IQCM: variants seen among roughly 807,000 people sequenced by gnomAD.
IQCM encodes the protein IQ motif containing M.
Under a neutral mutation model 57.6 loss-of-function variants are expected in IQCM, and 45 were observed. The ratio of observed to expected loss-of-function variants is 0.78; its 90% confidence interval spans 0.62 to 1.00. IQCM has a LOEUF of 1.00. Among genes scored for constraint, IQCM ranks in the 50% least tolerant of loss-of-function variants. The pLI, the probability that IQCM is intolerant of heterozygous loss-of-function variation, is 0.00. For synonymous variants in IQCM, 148 were observed against 158.9 expected (o/e 0.93, Z 0.51); for missense variants, 468 against 511.6 (o/e 0.91, Z 0.82).
At position 149,368,784 on chromosome 4, in the gene IQCM, G is replaced by A. The variant is rs1287222051; in HGVS notation, c.1391-16718C>T. ...TATATATATATACATATATATACATGTATATATATACATATATATACATGT... is the reference window on the plus strand; with the variant it reads ...TATATATATATACATATATATACATATATATATATACATATATATACATGT... On this transcript the variant is annotated intron_variant, in intron 13 of 13. Coordinates refer to ENST00000636793, the MANE Select transcript of IQCM (RefSeq NM_001363507.2). 9.9e-4 allele frequency among the ~76,000 whole-genome samples: 90 copies of A among 90,948 alleles called. 5 individuals carry two copies. Among genetic ancestry groups the A allele is most frequent in the Non-Finnish European group, 1.6e-3 (66 of 42,296 alleles). The allele number at this position is 90,948 out of a possible 152,430, so 59.7% of individuals were successfully genotyped here.
intron 13 of IQCM, among the ~76,000 whole-genome samples, chr4:149,414,838 G>A (rs1560816343): frequency 6.6e-6 from 1 of 151,900 alleles, no homozygotes; most frequent in African/African-American, 2.4e-5. Flanking sequence ...TAGATTAAAA[G>A]TTTTAATTGA....
chr4:149,754,248 T>C (rs1580208380), intron 2 of IQCM, among the ~76,000 whole-genome samples: 5 of 152,296 alleles, frequency 3.3e-5, no homozygotes, highest in South Asian at 2.1e-4. Flanking sequence ...CTAGGATTTA[T>C]GCAGGCTCAG....
chr4:149,529,067 AAT>A (rs1383086913), intron 12 of IQCM, among the ~76,000 whole-genome samples: 1 of 151,170 alleles, frequency 6.6e-6, no homozygotes, highest in South Asian at 2.1e-4. Flanking sequence ...TGGGTAGGAA[AAT>A]ATATATATAT....
At chr4:149,767,398 T>C (rs1770160457) in intron 2 of IQCM, among the ~76,000 whole-genome samples, 1 of 152,122 alleles carries the variant, frequency 6.6e-6, no homozygotes, top group Non-Finnish European at 1.5e-5. Flanking sequence ...CAACAGTTCA[T>C]GAAAGATTAT....
At chr4:149,691,887 G>A (rs576267511) in intron 5 of IQCM, 2 of 152,218 alleles carry the variant, frequency 1.3e-5, no homozygotes, top group Non-Finnish European at 2.9e-5. Flanking sequence ...TCACTAATGA[G>A]GAATTCACGT....
At chr4:149,654,420 C>T (rs1214857747) in intron 7 of IQCM, among the ~76,000 whole-genome samples, 1 of 152,000 alleles carries the variant, frequency 6.6e-6, no homozygotes, top group Non-Finnish European at 1.5e-5. Context: ...GTGGCACCAA[C>T]TCCCTCATCT....
chr4:149,619,474 A>G (rs1307336787), intron 8 of IQCM, among the ~76,000 whole-genome samples: 1 of 152,166 alleles, frequency 6.6e-6, no homozygotes, highest in Non-Finnish European at 1.5e-5. Context: ...AAATCTATAA[A>G]AACAAACATA....
intron 12 of IQCM, among the ~76,000 whole-genome samples, chr4:149,498,592 T>C (rs1044062616): frequency 6.6e-6 from 1 of 152,026 alleles, no homozygotes; most frequent in Non-Finnish European, 1.5e-5. Context: ...AGGAACCATA[T>C]CTCGATCAGG....
Position 149,548,454 on chromosome 4 carries a change from C to T in IQCM, c.1228+1G>A. ...GGAAAAAGAAATGAGAAACTACTCACCTTGATGGACCAGGTCCCAAGTATC... is the reference window on the plus strand; with the variant it reads ...GGAAAAAGAAATGAGAAACTACTCATCTTGATGGACCAGGTCCCAAGTATC... On this transcript the variant is annotated splice_donor_variant, in intron 12 of 13. Transcript: ENST00000636793. LOFTEE classifies it high-confidence loss of function. 4 of 1,231,918 alleles carry T rather than the reference C, an allele frequency of 3.2e-6. No homozygotes were observed. Among genetic ancestry groups the T allele is most frequent in the Non-Finnish European group, 3.0e-6 (3 of 987,848 alleles). The allele number at this position is 1,231,918 out of a possible 1,614,324, so 76.3% of individuals were successfully genotyped here.
rs1457612754 is a variant in IQCM at position 149,733,491 on chromosome 4, A to C, written c.138T>G (p.Thr46=). The change falls in exon 5 of 14, where the codon ACT becomes ACG. Residue 46 remains threonine (T), a synonymous_variant. Transcript: ENST00000636793. ...EKINENKVQG[T]SINVFRKKHQ... ...GTTTCTTTCTAAAAACATTTATAGA[A>C]GTACCTTGAACTTTATTCTATGAAT... The C allele has an allele frequency of 8.2e-6, 10 of 1,226,920 alleles. No homozygotes were observed. Among genetic ancestry groups the C allele is most frequent in the South Asian group, 4.1e-5 (1 of 24,250 alleles). 76.0% of individuals were successfully genotyped at this position (1,226,920 alleles called of 1,614,324 possible).
At chr4:149,724,661 A>T (rs1050127699) in intron 5 of IQCM, among the ~76,000 whole-genome samples, 9 of 152,034 alleles carry the variant, frequency 5.9e-5, no homozygotes, top group Non-Finnish European at 1.5e-5. Flanking sequence ...TCAACCCTAA[A>T]TATATGTGCA....
chr4:149,611,498 A>G (rs1755284928), intron 8 of IQCM, among the ~76,000 whole-genome samples: 1 of 152,186 alleles, frequency 6.6e-6, no homozygotes, highest in Non-Finnish European at 1.5e-5. Flanking sequence ...AATATTATTC[A>G]GACATAAAAA....
At chr4:149,413,911 G>A (rs1294687192) in intron 13 of IQCM, among the ~76,000 whole-genome samples, 2 of 152,056 alleles carry the variant, frequency 1.3e-5, no homozygotes, top group East Asian at 1.9e-4. Flanking sequence ...CTGGAGATAG[G>A]TGCAAAATTG....
chr4:149,762,768 G>A (rs114072698), intron 2 of IQCM, among the ~76,000 whole-genome samples: 218 of 152,092 alleles, frequency 1.4e-3, no homozygotes, highest in African/African-American at 5.1e-3. Context: ...AGGGGATAAG[G>A]TTCTCCACAG....
Position 149,422,928 on chromosome 4 carries a change from A to G in IQCM, c.1390+10468T>C, listed in dbSNP as rs4554050. On this transcript the variant is annotated intron_variant, in intron 13 of 13. Coordinates refer to ENST00000636793, the MANE Select transcript of IQCM (RefSeq NM_001363507.2). ...ATTAGAGAGTAAGTGCTTGGTTTGC[A>G]ATTTTACAAATTTTTTGCAATCCAC... is the stretch of plus-strand genomic sequence containing the variant. 6.5e-3 allele frequency among the ~76,000 whole-genome samples: 990 copies of G among 152,154 alleles called. 6 individuals carry two copies. Among genetic ancestry groups the G allele is most frequent in the African/African-American group, 0.022 (914 of 41,552 alleles).
At chr4:149,382,716 G>C (rs868092417) in intron 13 of IQCM, among the ~76,000 whole-genome samples, 12 of 151,968 alleles carry the variant, frequency 7.9e-5, no homozygotes, top group Admixed American at 5.2e-4. Flanking sequence ...GAATAGAAGG[G>C]AATAATCCCT....
At chr4:149,399,598 T>G (rs1732474582) in intron 13 of IQCM, among the ~76,000 whole-genome samples, 1 of 152,080 alleles carries the variant, frequency 6.6e-6, no homozygotes, top group Non-Finnish European at 1.5e-5. Context: ...AAAGTACCAT[T>G]TCTTTGCCCT....
At chr4:149,732,396 G>C (rs941276410) in intron 5 of IQCM, among the ~76,000 whole-genome samples, 12 of 152,070 alleles carry the variant, frequency 7.9e-5, no homozygotes, top group Admixed American at 7.9e-4. Flanking sequence ...TAAATTTTCA[G>C]GAGAAATCTC....
Position 149,508,058 on chromosome 4 carries a change from G to A in IQCM, c.1228+40397C>T, listed in dbSNP as rs560988927. Among the ~76,000 whole-genome samples the A allele has an allele frequency of 6.6e-5, 10 of 151,946 alleles. 1 individual carries two copies. Among genetic ancestry groups the A allele is most frequent in the Middle Eastern group, 6.8e-3 (2 of 294 alleles). On this transcript the variant is annotated intron_variant, in intron 12 of 13. Transcript: ENST00000636793. The stretch of plus-strand genomic sequence containing the variant: ...AGCTTCCACATGGTGTTGAACCTAC[G>A]AGTCCACAGAAATGAAGAATTGAGG...
Sources: gnomAD v4.1 joint callset for allele counts (sites outside exome capture counted in the v4.1 genomes callset) on GRCh38, gnomAD v4.1.1 for gene constraint, MANE v1.5 for transcripts, NCBI Gene and HGNC (gene_info 2026-07-23, HGNC 2026-07-21) for gene names.